BCOR: variants seen among roughly 807,000 people sequenced by gnomAD.
The protein encoded by BCOR is BCL-6 corepressor.
A neutral mutation model predicts 86.7 loss-of-function variants in BCOR; 10 were observed. The ratio of observed to expected loss-of-function variants is 0.12; its 90% CI spans 0.07 to 0.20. The LOEUF (loss-of-function observed/expected upper bound fraction) is 0.20. BCOR is among the 10% of genes least tolerant of loss of function. BCOR has a pLI of 1.00. For synonymous variants in BCOR, 611 were observed against 609.0 expected (o/e 1.00, Z -0.05); for missense variants, 1,259 against 1,452.1 (o/e 0.87, Z 2.16).
intron 1 of BCOR, among the ~76,000 whole-genome samples, chrX:40,084,152 G>T (rs1424144637): frequency 9.0e-6 from 1 of 111,708 alleles, no homozygotes; most frequent in Non-Finnish European, 1.9e-5. Context: ...TGCGAATCTC[G>T]GGCGTTGGGG....
Position 40,176,487 on chromosome X carries a change from C to T in BCOR, c.-41+520G>A, listed in dbSNP as rs1289707338. On this transcript the variant is annotated intron_variant, in intron 1 of 14. Coordinates refer to the BCOR transcript ENST00000342274. The stretch of plus-strand genomic sequence containing the variant: ...GCGTGCAAGAAGAAAACAAGGCCGG[C>T]GACTACAAGAGCGGCGACTCCATTC... Among the ~76,000 whole-genome samples, 4 of 112,618 alleles carry T rather than the reference C, an allele frequency of 3.6e-5. No homozygotes were observed. The South Asian group carries it at 1.4e-3, about 41-fold the overall frequency.
intron 1 of BCOR, among the ~76,000 whole-genome samples, chrX:40,140,195 C>T (rs764753451): frequency 9.2e-6 from 1 of 108,437 alleles, no homozygotes; most frequent in Non-Finnish European, 1.9e-5. Context: ...CAGTGGCTCA[C>T]GGCTGTAATC....
intron 1 of BCOR, among the ~76,000 whole-genome samples, chrX:40,094,774 C>T (rs1241459502): frequency 8.8e-6 from 1 of 113,151 alleles, no homozygotes; most frequent in Non-Finnish European, 1.9e-5. Context: ...CCCCGCCGTC[C>T]CTCGCTACCG....
At chrX:40,132,460 G>A (rs1937612618) in intron 1 of BCOR, among the ~76,000 whole-genome samples, 2 of 111,026 alleles carry the variant, frequency 1.8e-5, no homozygotes, top group South Asian at 7.6e-4. Flanking sequence ...TTGTATTTTT[G>A]TAGAGACAGG....
chrX:40,132,119 C>T (rs1410770367), intron 1 of BCOR, among the ~76,000 whole-genome samples: 1 of 111,753 alleles, frequency 8.9e-6, no homozygotes, highest in African/African-American at 3.3e-5. Context: ...ACATAGGTGC[C>T]ACAGTCAACA....
Position 40,076,689 on chromosome X carries a change from G to A in BCOR, c.87-157C>T, listed in dbSNP as rs192126642. Among the ~76,000 whole-genome samples the A allele has an allele frequency of 1.2e-4, 13 of 111,899 alleles. No homozygotes were observed. The South Asian group carries it at 2.6e-3, about 23-fold the overall frequency. ...CTGTCAATGGCCCATATTGAAAGTC[G>A]CCCCCAAATGGTGATTCAACTTGAC... On this transcript the variant is annotated intron_variant, in intron 2 of 14. Coordinates refer to ENST00000378444, the MANE Select transcript of BCOR (RefSeq NM_001123385.2).
chrX:40,052,815 T>C (rs1246051998), intron 14 of BCOR, among the ~76,000 whole-genome samples: 1 of 110,998 alleles, frequency 9.0e-6, no homozygotes, highest in East Asian at 2.8e-4. Context: ...CCGCCCGCCT[T>C]GGCCTCCCAA....
intron 1 of BCOR, among the ~76,000 whole-genome samples, chrX:40,135,229 T>C (rs891401729): frequency 1.8e-5 from 2 of 111,089 alleles, no homozygotes; most frequent in Non-Finnish European, 3.8e-5. Context: ...TCACACCTCC[T>C]GGATCCTATG....
At chrX:40,060,771 T>C (rs1934828396) in intron 10 of BCOR, among the ~76,000 whole-genome samples, 1 of 112,956 alleles carries the variant, frequency 8.9e-6, no homozygotes, top group African/African-American at 3.2e-5. Context: ...CAAATCCTTC[T>C]AGAGAGTTCC....
chrX:40,175,049 G>T (rs1316910564), intron 1 of BCOR, among the ~76,000 whole-genome samples: 2 of 111,967 alleles, frequency 1.8e-5, no homozygotes, highest in Non-Finnish European at 3.8e-5. Context: ...GTTTCCTGGC[G>T]AAGCGCCCAT....
chrX:40,081,227 A>G lies in BCOR; in HGVS notation c.-40-3258T>C, dbSNP rs1457795607. On this transcript the variant is annotated intron_variant, in intron 1 of 14. Transcript: ENST00000378444. ...CTCCTGGGTGACAAAGAGCAGTCCAAACCTACAAAAGCAGGGACCTCCTTT... is the reference window on the plus strand; with the variant it reads ...CTCCTGGGTGACAAAGAGCAGTCCAGACCTACAAAAGCAGGGACCTCCTTT... 2.7e-5 allele frequency among the ~76,000 whole-genome samples: 3 copies of G among 111,525 alleles called. No individual in the cohort carries two copies. In the East Asian group the frequency reaches 8.5e-4, roughly 32 times the overall value.
At chrX:40,117,202 T>C (rs552061202) in intron 1 of BCOR, among the ~76,000 whole-genome samples, 3 of 111,862 alleles carry the variant, frequency 2.7e-5, no homozygotes, top group African/African-American at 6.5e-5. Context: ...CCAGAGTTTC[T>C]CCTCAGAAGA....
chrX:40,063,572 A>G (rs1935016271), intron 8 of BCOR, 36 bp downstream of exon 8: 2 of 1,114,232 alleles, frequency 1.8e-6, no homozygotes, highest in Non-Finnish European at 2.5e-6. Context: ...ACCCTCCAGG[A>G]GCGGGGTGAA....
chrX:40,104,146 C>A (rs1937125052), intron 1 of BCOR, among the ~76,000 whole-genome samples: 1 of 111,216 alleles, frequency 9.0e-6, no homozygotes, highest in African/African-American at 3.3e-5. Context: ...ATCCTGTATC[C>A]AACCCAAGCT....
At chrX:40,077,664 G>A (rs1342054592) in intron 2 of BCOR, 180 bp downstream of exon 2, 1 of 450,559 alleles carries the variant, frequency 2.2e-6, no homozygotes, top group Non-Finnish European at 3.9e-6. Context: ...ATCTTTTAAA[G>A]GGCGGCAATG....
rs757627186 is a variant in BCOR, at chrX:40,165,946, G to A, written c.-41+11061C>T. 4.5e-5 allele frequency among the ~76,000 whole-genome samples: 5 copies of A among 111,678 alleles called. No homozygotes were observed. In the East Asian group the frequency reaches 1.4e-3, roughly 31 times the overall value. On this transcript the variant is annotated intron_variant, in intron 1 of 14. Coordinates refer to the BCOR transcript ENST00000342274. ...GCCTGAGCCACCACACCCAGCTAGG[G>A]CACAGTATTTATTAAAAACTTTATT...
At chrX:40,163,751 C>T (rs901382797) in intron 1 of BCOR, among the ~76,000 whole-genome samples, 4 of 110,482 alleles carry the variant, frequency 3.6e-5, no homozygotes, top group African/African-American at 9.9e-5. Flanking sequence ...GGGCCAGGCA[C>T]GGTGGCTCAC....
At chrX:40,063,105 GA>G in intron 8 of BCOR, 34 bp from the exon 9 acceptor site, 1 of 994,073 alleles carries the variant, frequency 1.0e-6, no homozygotes. Context: ...GTGGCGGGCG[GA>G]TGGGAGACGG....
intron 1 of BCOR, among the ~76,000 whole-genome samples, chrX:40,132,574 C>T (rs1306266053): frequency 8.9e-6 from 1 of 111,993 alleles, no homozygotes; most frequent in African/African-American, 3.2e-5. Flanking sequence ...CCACCAAACC[C>T]GGCCAAAGAG....
Sources: gnomAD v4.1 joint callset for allele counts (sites outside exome capture counted in the v4.1 genomes callset) on GRCh38, gnomAD v4.1.1 for gene constraint, MANE v1.5 for transcripts, NCBI Gene and HGNC (gene_info 2026-07-23, HGNC 2026-07-21) for gene names.